The following BFAR variants were observed in gnomAD, a reference collection of about 807,000 sequenced individuals.
The protein encoded by BFAR is RING finger protein 47.
A neutral mutation model predicts 54.4 loss-of-function variants in BFAR; 52 were observed. That is an observed-to-expected ratio of 0.96 (90% CI 0.77 to 1.21). The LOEUF (loss-of-function observed/expected upper bound fraction) is 1.21. Ranked by LOEUF, BFAR falls within the 50% of genes most tolerant of loss-of-function variation. BFAR has a pLI of 0.00. For missense variants in BFAR, 571 were observed against 534.0 expected (o/e 1.07, Z -0.68); for synonymous variants, 215 against 204.3 (o/e 1.05, Z -0.45).
intron 1 of BFAR, among the ~76,000 whole-genome samples, chr16:14,640,616 C>T (rs1959591461): frequency 1.3e-5 from 2 of 152,128 alleles, no homozygotes; most frequent in African/African-American, 4.8e-5. Context: ...CCTGGTAGGG[C>T]GGTGGCTACT....
chr16:14,661,859 T>C, intron 5 of BFAR, 33 bp from the exon 6 acceptor site: 1 of 1,608,392 alleles, frequency 6.2e-7, no homozygotes, highest in Non-Finnish European at 8.5e-7. Flanking sequence ...CCGCCATGGT[T>C]GTAATGTGGC....
Position 14,662,005 on chromosome 16 carries a change from C to G in BFAR, c.897C>G (p.Ile299Met), listed in dbSNP as rs766005190. Reference sequence around the variant, plus strand: ...ACACCGACACCTTCCTACCTTTCATCCACACCATCTGCCCTCTGCAAGAAG... The same window carrying G: ...ACACCGACACCTTCCTACCTTTCATGCACACCATCTGCCCTCTGCAAGAAG... ...FDYTDTFLPF[I>M]HTICPLQEDS... The change falls in exon 6 of 8, where the codon ATC becomes ATG. Residue 299 changes from isoleucine (I) to methionine (M), a missense_variant. By Grantham distance (10) the Ile-to-Met change is conservative. Transcript: ENST00000261658. The G allele has an allele frequency of 4.8e-5, 77 of 1,614,086 alleles. No homozygotes were observed. The highest frequency in any genetic ancestry group is 6.4e-5 in the Non-Finnish European group (75 of 1,180,042).
At chr16:14,657,629 G>A (rs550274751) in intron 5 of BFAR, among the ~76,000 whole-genome samples, 1 of 152,146 alleles carries the variant, frequency 6.6e-6, no homozygotes, top group East Asian at 1.9e-4. Context: ...TACAACCTCT[G>A]CCTTCCAGGT....
chr16:14,656,080 C>T (rs994365357), intron 5 of BFAR, among the ~76,000 whole-genome samples: 1 of 152,012 alleles, frequency 6.6e-6, no homozygotes, highest in African/African-American at 2.4e-5. Context: ...AGTGGTGGCA[C>T]ACTCCTGTAG....
At chr16:14,663,018 G>A (rs187315246) in intron 6 of BFAR, among the ~76,000 whole-genome samples, 55 of 152,316 alleles carry the variant, frequency 3.6e-4, no homozygotes, top group African/African-American at 1.2e-3. Context: ...ATACGACAGG[G>A]ATTTTTACAG....
Position 14,667,645 on chromosome 16 carries a change from C to T in BFAR, c.1171C>T (p.Gln391Ter), listed in dbSNP as rs368858069. 2 of 1,613,804 alleles carry T rather than the reference C, an allele frequency of 1.2e-6. No homozygotes were observed. Among genetic ancestry groups the T allele is most frequent in the African/African-American group, 2.7e-5 (2 of 74,882 alleles). Reference sequence around the variant, plus strand: ...CTCTTCTTGTTTCAGGACCGTGCCTCAGAGGATGTGGAGCCATTTCTGGAA... The same window carrying T: ...CTCTTCTTGTTTCAGGACCGTGCCTTAGAGGATGTGGAGCCATTTCTGGAA... ...WSRSELKTVP[Q>*]RMWSHFWKVS... Residue 391 changes from glutamine (Q) to a stop codon, truncating the protein, a stop_gained, in exon 8 of 8, where the codon CAG becomes TAG. Transcript: ENST00000261658. LOFTEE classifies it high-confidence loss of function.
chr16:14,667,633 A>G lies in BFAR; in HGVS notation c.1161-2A>G. Reference sequence around the variant, plus strand: ...ATTCAGCCTCTTCTCTTCTTGTTTCAGGACCGTGCCTCAGAGGATGTGGAG... The same window carrying G: ...ATTCAGCCTCTTCTCTTCTTGTTTCGGGACCGTGCCTCAGAGGATGTGGAG... On this transcript the variant is annotated splice_acceptor_variant, in intron 7 of 7. Transcript: ENST00000261658. LOFTEE classifies it high-confidence loss of function. 6.2e-7 allele frequency: 1 copy of G among 1,613,006 alleles called. No individual in the cohort carries two copies. Among genetic ancestry groups the G allele is most frequent in the Non-Finnish European group, 8.5e-7 (1 of 1,179,530 alleles).
At chr16:14,666,684 G>C (rs1960451079) in intron 7 of BFAR, among the ~76,000 whole-genome samples, 1 of 152,132 alleles carries the variant, frequency 6.6e-6, no homozygotes, top group South Asian at 2.1e-4. Context: ...CCTTATGAAT[G>C]GTTCTGAGAA....
intron 5 of BFAR, among the ~76,000 whole-genome samples, chr16:14,656,492 G>GAAA (rs904695833): frequency 3.7e-4 from 49 of 131,560 alleles, no homozygotes; most frequent in South Asian, 1.3e-3. Context: ...CCCTGTTTCA[G>GAAA]AAAAAAAAAA....
rs1960495380 is a variant in BFAR, at chr16:14,668,104, TC to T, written c.*281del. 6.6e-6 allele frequency: 3 copies of T among 455,226 alleles called. No homozygotes were observed. In the East Asian group the frequency reaches 1.0e-4, roughly 15 times the overall value. The allele number at this position is 455,226 out of a possible 1,614,324, so 28.2% of individuals were successfully genotyped here. ...TCCTCACAGGGACTAGGAGGCTCAG[TC>T]CCCAACGGCTGGCAAGACTCAGGGT... On this transcript the variant is annotated 3_prime_UTR_variant, in exon 8 of 8. Transcript: ENST00000261658.
intron 5 of BFAR, among the ~76,000 whole-genome samples, chr16:14,661,353 C>G (rs1263347441): frequency 1.4e-5 from 2 of 138,078 alleles, no homozygotes; most frequent in Non-Finnish European, 3.1e-5. Flanking sequence ...CAAGAGTATG[C>G]TTTTCACCCC....
rs55673619 is a variant in BFAR, at chr16:14,654,493, C to CTTTT, written c.639-551_639-548dup. Among the ~76,000 whole-genome samples, 47 of 89,168 alleles carry CTTTT rather than the reference C, an allele frequency of 5.3e-4. 1 individual carries two copies. The highest frequency in any genetic ancestry group is 1.4e-3 in the African/African-American group (29 of 20,892). 58.5% of individuals were successfully genotyped at this position (89,168 alleles called of 152,430 possible). ...ACCTTATTTCTCTAAGTGAGTTTTC[C>CTTTT]TTTTTTTTTTTTTTTTTTTTTTTTT... On this transcript the variant is annotated intron_variant, in intron 4 of 7. Coordinates refer to ENST00000261658, the MANE Select transcript of BFAR (RefSeq NM_016561.3).
At position 14,648,408 on chromosome 16, in the gene BFAR, T is replaced by C; in HGVS notation, c.284T>C (p.Phe95Ser). Residue 95 changes from phenylalanine to serine, a missense_variant, in exon 3 of 8, where the codon TTT (phenylalanine) becomes TCT (serine). Coordinates refer to ENST00000261658, the MANE Select transcript of BFAR (RefSeq NM_016561.3). The stretch of plus-strand genomic sequence containing the variant: ...CATAGGGATGCCATTGAAAAGTTAT[T>C]TCCTGATGCCATTAGACTGAGATTT... The part of the protein sequence containing the change: ...ILLRDAIEKL[F>S]PDAIRLRFED... 1 of 1,613,306 alleles carries C rather than the reference T, an allele frequency of 6.2e-7. No homozygotes were observed. Among genetic ancestry groups the C allele is most frequent in the Non-Finnish European group, 8.5e-7 (1 of 1,179,252 alleles).
intron 6 of BFAR, 117 bp from the exon 7 acceptor site, chr16:14,664,752 G>C: frequency 2.1e-6 from 2 of 942,492 alleles, no homozygotes; most frequent in Non-Finnish European, 3.4e-6. Context: ...CGCCCACCTA[G>C]GCCTCCCAAA....
chr16:14,634,503 C>CTTT (rs527308931), intron 1 of BFAR, among the ~76,000 whole-genome samples: 10 of 152,174 alleles, frequency 6.6e-5, no homozygotes, highest in Non-Finnish European at 1.3e-4. Flanking sequence ...ACACAGCAAA[C>CTTT]TTTGAGTACC....
In BFAR at chr16:14,663,273, C is replaced by T. The variant is rs145219396; in HGVS notation, c.957+1208C>T. Among the ~76,000 whole-genome samples the T allele has an allele frequency of 2.8e-3, 428 of 150,266 alleles. 4 individuals are homozygous for T. The highest frequency in any genetic ancestry group is 6.8e-3 in the Admixed American group (102 of 15,072). ...TTGGGATTAGAGGCGTGAGCCACTG[C>T]ACCTGGCACCCAGCCCTTCAATTTT... On this transcript the variant is annotated intron_variant, in intron 6 of 7. Transcript: ENST00000261658.
At chr16:14,647,518 C>A (rs978453352) in intron 2 of BFAR, among the ~76,000 whole-genome samples, 4 of 151,766 alleles carry the variant, frequency 2.6e-5, no homozygotes, top group African/African-American at 9.7e-5. Context: ...CCAACATGAC[C>A]AAAAATACAA....
chr16:14,668,619 G>C lies in BFAR; in HGVS notation c.*792G>C, dbSNP rs184996762. 382 of 152,960 alleles carry C rather than the reference G, an allele frequency of 2.5e-3. 1 individual carries two copies. Among genetic ancestry groups the C allele is most frequent in the Non-Finnish European group, 4.4e-3 (303 of 68,582 alleles). 9.5% of individuals were successfully genotyped at this position (152,960 alleles called of 1,614,324 possible). A position where few individuals can be genotyped will look rare whatever the true frequency, so the allele number is the denominator to read the frequency against. ...CCAGCACTTTGGGTGGGTGAGGCAGGCGGATCACTTGAAGCCAGGACTTCA... is the reference window on the plus strand; with the variant it reads ...CCAGCACTTTGGGTGGGTGAGGCAGCCGGATCACTTGAAGCCAGGACTTCA... On this transcript the variant is annotated 3_prime_UTR_variant, in exon 8 of 8. Transcript: ENST00000261658.
chr16:14,650,788 T>C (rs956968662), intron 4 of BFAR, among the ~76,000 whole-genome samples: 8 of 152,242 alleles, frequency 5.3e-5, no homozygotes, highest in Non-Finnish European at 8.8e-5. Context: ...TTATGAATAA[T>C]GATGCTATGA....
Sources: gnomAD v4.1 joint callset for allele counts (sites outside exome capture counted in the v4.1 genomes callset) on GRCh38, gnomAD v4.1.1 for gene constraint, MANE v1.5 for transcripts, NCBI Gene and HGNC (gene_info 2026-07-23, HGNC 2026-07-21) for gene names.